The following ZFHX3 variants were observed in gnomAD, a reference collection of about 807,000 sequenced individuals.
ZFHX3 encodes zinc finger homeobox 3.
A neutral mutation model predicts 279.1 loss-of-function variants in ZFHX3; 42 were observed. The observed-to-expected ratio is 0.15, with a 90% CI of 0.12 to 0.19. The LOEUF (loss-of-function observed/expected upper bound fraction) is 0.19. ZFHX3 is among the 10% of genes least tolerant of loss of function. ZFHX3 has a pLI of 1.00. For missense variants in ZFHX3, 4,981 were observed against 4,754.0 expected (o/e 1.05, Z -1.40); for synonymous variants, 2,293 against 1,957.8 (o/e 1.17, Z -4.52).
At chr16:73,281,436 T>C (rs1012287439) in intron 4 of ZFHX3, among the ~76,000 whole-genome samples, 1 of 151,772 alleles carries the variant, frequency 6.6e-6, no homozygotes, top group African/African-American at 2.4e-5. Flanking sequence ...AAGCAGAGAG[T>C]AGCATGGTGG....
At chr16:73,293,491 T>A (rs766807233) in intron 4 of ZFHX3, among the ~76,000 whole-genome samples, 14 of 152,328 alleles carry the variant, frequency 9.2e-5, no homozygotes, top group Middle Eastern at 3.4e-3. Flanking sequence ...GTCCCTGTAG[T>A]TTAATTAACT....
intron 1 of ZFHX3, among the ~76,000 whole-genome samples, chr16:73,733,385 ATCAAATGACTGGTTTT>A (rs2053584641): frequency 6.6e-6 from 1 of 152,210 alleles, no homozygotes; most frequent in Admixed American, 6.5e-5. Context: ...TTTCATTTAG[ATCAAATGACTGGTTTT>A]TCTCAATTAA....
intron 1 of ZFHX3, among the ~76,000 whole-genome samples, chr16:73,787,777 T>A (rs982727349): frequency 1.3e-5 from 2 of 151,882 alleles, no homozygotes; most frequent in Non-Finnish European, 2.9e-5. Flanking sequence ...GCCTACTCTA[T>A]AAATTTTCTG....
chr16:73,105,742 G>C lies in ZFHX3; in HGVS notation c.-896-12144C>G, dbSNP rs556624390. ...CACTCCAGCCTGTGTGAGAGAGTGA[G>C]CCTCTGTCTCAAAAAATAAAATTAA... On this transcript the variant is annotated intron_variant, in intron 7 of 17. Coordinates refer to the ZFHX3 transcript ENST00000641206. 3.3e-5 allele frequency among the ~76,000 whole-genome samples: 5 copies of C among 152,226 alleles called. No homozygotes were observed. The East Asian group carries it at 9.7e-4, about 29-fold the overall frequency.
At chr16:72,812,156 A>C in intron 5 of ZFHX3, 118 bp from the exon 6 acceptor site, 1 of 1,385,236 alleles carries the variant, frequency 7.2e-7, no homozygotes, top group Non-Finnish European at 9.6e-7. Flanking sequence ...AAACACCAAA[A>C]TTCAAGAAGG....
In ZFHX3 at chr16:72,795,429, G is replaced by T. The variant is rs1043940883; in HGVS notation, c.7253C>A (p.Thr2418Asn). The T allele has an allele frequency of 6.2e-7, 1 of 1,614,020 alleles. No individual in the cohort carries two copies. The highest frequency in any genetic ancestry group is 8.5e-7 in the Non-Finnish European group (1 of 1,180,046). ...GCCTGCCTCTGTTTTTGAATTGAAG[G>T]TGGCCAGTTCCTCAGCCTCCGCTGT... Reference protein sequence around the residue: ...QLTAEAEELATFNSKTEAGDE... With the variant: ...QLTAEAEELANFNSKTEAGDE... Residue 2418 changes from threonine (T) to asparagine (N), a missense_variant, in exon 9 of 10, where the codon ACC becomes AAC. Around this residue, in one of 7 missense-constraint regions of ZFHX3, gnomAD observed 744 missense variants for 701.3 expected, o/e 1.06. Coordinates refer to ENST00000268489, the MANE Select transcript of ZFHX3 (RefSeq NM_006885.4).
chr16:73,359,171 T>A (rs1442420694), intron 3 of ZFHX3, among the ~76,000 whole-genome samples: 3 of 131,912 alleles, frequency 2.3e-5, no homozygotes, highest in Non-Finnish European at 3.3e-5. Flanking sequence ...AAAGAAGGAG[T>A]TTAGAAGAGG....
rs2143467530 is a variant in ZFHX3 at position 72,798,477 on chromosome 16, C to T, written c.4205G>A (p.Arg1402His). ...PVSDRHVYKY[R>H]CNQCSLAFKT... ...GAAGGCCAGGCTACACTGATTACAG[C>T]GGTACTTGTACACATGGCGATCTGA... The change falls in exon 9 of 10, where the codon CGC becomes CAC. Residue 1402 changes from arginine to histidine, a missense_variant. Transcript: ENST00000268489. 1 of 1,614,172 alleles carries T rather than the reference C, an allele frequency of 6.2e-7. No individual in the cohort carries two copies. The highest frequency in any genetic ancestry group is 8.5e-7 in the Non-Finnish European group (1 of 1,180,006).
At chr16:72,962,158 C>T (rs1012715811) in intron 1 of ZFHX3, among the ~76,000 whole-genome samples, 1 of 152,182 alleles carries the variant, frequency 6.6e-6, no homozygotes, top group African/African-American at 2.4e-5. Context: ...GGGGGGGCCA[C>T]GATTGATAAA....
Position 72,787,739 on chromosome 16 carries a change from TGCCACCGCCGCCGCC to T in ZFHX3, c.10522_10536del (p.Gly3508_Gly3512del). 1 of 1,396,860 alleles carries T rather than the reference TGCCACCGCCGCCGCC, an allele frequency of 7.2e-7. No individual in the cohort carries two copies. Among genetic ancestry groups the T allele is most frequent in the East Asian group, 2.8e-5 (1 of 35,598 alleles). The allele number at this position is 1,396,860 out of a possible 1,614,324, so 86.5% of individuals were successfully genotyped here. A position where few individuals can be genotyped will look rare whatever the true frequency, so the allele number is the denominator to read the frequency against. On this transcript the variant is annotated inframe_deletion, in exon 10 of 10. Transcript: ENST00000268489. The stretch of plus-strand genomic sequence containing the variant: ...CCGCCACCGCCGCCGCCGCCGCCAC[TGCCACCGCCGCCGCC>T]GCCGGTGGGGACGTGAAGCACCATC...
chr16:73,407,705 G>T (rs2017389307), intron 3 of ZFHX3, among the ~76,000 whole-genome samples: 1 of 152,206 alleles, frequency 6.6e-6, no homozygotes, highest in African/African-American at 2.4e-5. Flanking sequence ...TATAGCAAAT[G>T]CAGGTTAAGT....
chr16:73,279,279 A>C (rs1426468150), intron 4 of ZFHX3, among the ~76,000 whole-genome samples: 3 of 152,180 alleles, frequency 2.0e-5, no homozygotes, highest in African/African-American at 4.8e-5. Flanking sequence ...GTTATCAAAC[A>C]TCCCAAAGAC....
Position 73,055,932 on chromosome 16 carries a change from C to T in ZFHX3, c.-24+2598G>A, listed in dbSNP as rs150160424. On this transcript the variant is annotated intron_variant, in intron 1 of 8. Coordinates refer to the ZFHX3 transcript ENST00000397992. ...GTTTAAAAAGTCCACAGATCTGAAT[C>T]GCCTCCTCTCTGGACCGGAGCAGGG... is the stretch of plus-strand genomic sequence containing the variant. Among the ~76,000 whole-genome samples, 235 of 152,206 alleles carry T rather than the reference C, an allele frequency of 1.5e-3. 2 individuals carry two copies. In the Middle Eastern group the frequency reaches 0.034, roughly 22 times the overall value.
At chr16:73,447,726 G>T (rs775689402) in intron 3 of ZFHX3, among the ~76,000 whole-genome samples, 2 of 152,172 alleles carry the variant, frequency 1.3e-5, no homozygotes, top group African/African-American at 4.8e-5. Flanking sequence ...GGTAAAGCAG[G>T]AAGTTGGTCA....
chr16:73,395,545 A>T (rs2143412114), intron 3 of ZFHX3, among the ~76,000 whole-genome samples: 1 of 151,988 alleles, frequency 6.6e-6, no homozygotes, highest in East Asian at 1.9e-4. Context: ...TTTTTCTTTA[A>T]GAAATTCTGA....
intron 1 of ZFHX3, among the ~76,000 whole-genome samples, chr16:73,880,981 C>T (rs2030126089): frequency 6.6e-6 from 1 of 152,024 alleles, no homozygotes; most frequent in Non-Finnish European, 1.5e-5. Context: ...CTTACTTTTC[C>T]ATGTCACAGG....
chr16:73,394,292 T>A (rs1276921633), intron 3 of ZFHX3, among the ~76,000 whole-genome samples: 2 of 151,462 alleles, frequency 1.3e-5, no homozygotes, highest in Non-Finnish European at 2.9e-5. Flanking sequence ...ATATTTGATA[T>A]ATATATACAT....
At chr16:72,827,867 G>A (rs1190281669) in intron 5 of ZFHX3, among the ~76,000 whole-genome samples, 1 of 152,210 alleles carries the variant, frequency 6.6e-6, no homozygotes, top group East Asian at 1.9e-4. Flanking sequence ...TCCACCTGGT[G>A]TGCTGCCCAT....
chr16:73,406,700 T>C (rs2017367047), intron 3 of ZFHX3, among the ~76,000 whole-genome samples: 1 of 152,232 alleles, frequency 6.6e-6, no homozygotes, highest in Non-Finnish European at 1.5e-5. Flanking sequence ...ACACTCTGAG[T>C]GCTCAGAAGA....
Sources: allele counts gnomAD v4.1 joint callset (sites outside exome capture counted in the v4.1 genomes callset), GRCh38; gene constraint gnomAD v4.1.1; regional missense constraint gnomAD v4.1.1; transcripts MANE v1.5; gene names NCBI Gene and HGNC (gene_info 2026-07-23, HGNC 2026-07-21).